KCNH5: variants seen among roughly 807,000 people sequenced by gnomAD.
The protein encoded by KCNH5 is voltage-gated delayed rectifier potassium channel KCNH5.
KCNH5 carries 46 observed loss-of-function variants against 96.1 expected under a neutral mutation model. The ratio of observed to expected loss-of-function variants is 0.48; its 90% CI spans 0.38 to 0.61. The LOEUF (loss-of-function observed/expected upper bound fraction) is 0.61. KCNH5 is among the 20% of genes least tolerant of loss of function. The pLI is 0.00. For missense variants in KCNH5, 907 were observed against 1,225.8 expected (o/e 0.74, Z 3.88); for synonymous variants, 439 against 449.8 (o/e 0.98, Z 0.30).
chr14:62,714,524 T>C (rs1884642954), intron 10 of KCNH5, among the ~76,000 whole-genome samples: 1 of 152,144 alleles, frequency 6.6e-6, no homozygotes, highest in African/African-American at 2.4e-5. Flanking sequence ...AACTGGCAAA[T>C]TGTAACTCAA....
chr14:62,833,157 C>T (rs1021210241), intron 8 of KCNH5, among the ~76,000 whole-genome samples: 1 of 151,210 alleles, frequency 6.6e-6, no homozygotes, highest in Non-Finnish European at 1.5e-5. Flanking sequence ...TTTTTGGTCC[C>T]CTCACTATCT....
chr14:62,984,621 A>C lies in KCNH5; in HGVS notation c.549+2451T>G, dbSNP rs141009071. 1.8e-3 allele frequency among the ~76,000 whole-genome samples: 275 copies of C among 152,276 alleles called. 1 individual carries two copies. Among genetic ancestry groups the C allele is most frequent in the African/African-American group, 6.5e-3 (269 of 41,558 alleles). Reference sequence around the variant, plus strand: ...GCATGCGCTGCAGGTATTCAGACTAAATGTCTATCGACAATCTTGTTATTT... The same window carrying C: ...GCATGCGCTGCAGGTATTCAGACTACATGTCTATCGACAATCTTGTTATTT... On this transcript the variant is annotated intron_variant, in intron 5 of 10. Coordinates refer to ENST00000322893, the MANE Select transcript of KCNH5 (RefSeq NM_139318.5).
Position 62,701,555 on chromosome 14 carries a change from A to G in KCNH5, c.*5953T>C, listed in dbSNP as rs894411673. The G allele has an allele frequency of 2.6e-5, 4 of 152,162 alleles. No individual in the cohort carries two copies. Among genetic ancestry groups the G allele is most frequent in the African/African-American group, 4.8e-5 (2 of 41,454 alleles). The allele number at this position is 152,162 out of a possible 1,614,324, so 9.4% of individuals were successfully genotyped here. On this transcript the variant is annotated 3_prime_UTR_variant, in exon 11 of 11. Coordinates refer to ENST00000322893, the MANE Select transcript of KCNH5 (RefSeq NM_139318.5). ...GTGAGCTGACTATAAAAAGCTTTGG[A>G]TGGTGTCAGTGGGGTCCTTCACAGT... is the stretch of plus-strand genomic sequence containing the variant.
chr14:62,889,797 G>T (rs1392703347), intron 7 of KCNH5, among the ~76,000 whole-genome samples: 1 of 152,158 alleles, frequency 6.6e-6, no homozygotes, highest in East Asian at 1.9e-4. Context: ...CATTTCAATT[G>T]AATGTATAAC....
chr14:63,023,150 C>T (rs1012726999), intron 1 of KCNH5, among the ~76,000 whole-genome samples: 2 of 151,628 alleles, frequency 1.3e-5, no homozygotes, highest in Admixed American at 6.6e-5. Context: ...TTACAGTGAG[C>T]CAAGATCATG....
At chr14:62,721,140 A>G (rs1040287614) in intron 10 of KCNH5, among the ~76,000 whole-genome samples, 1 of 151,960 alleles carries the variant, frequency 6.6e-6, no homozygotes, top group African/African-American at 2.4e-5. Context: ...TCCTGATTCT[A>G]TGTTCTTGGA....
chr14:62,753,061 T>C (rs1369313118), intron 10 of KCNH5, among the ~76,000 whole-genome samples: 2 of 152,096 alleles, frequency 1.3e-5, no homozygotes, highest in East Asian at 3.9e-4. Context: ...AGAAGCAGAA[T>C]TCAAAATAGC....
intron 1 of KCNH5, among the ~76,000 whole-genome samples, chr14:63,019,269 T>C (rs1193076428): frequency 6.6e-6 from 1 of 152,044 alleles, no homozygotes; most frequent in Non-Finnish European, 1.5e-5. Flanking sequence ...AGTGTTCTAT[T>C]TTCTGCAAAT....
chr14:62,965,229 T>C (rs1027645194), intron 6 of KCNH5, among the ~76,000 whole-genome samples: 7 of 152,150 alleles, frequency 4.6e-5, no homozygotes, highest in African/African-American at 1.4e-4. Context: ...AGTTGAGATT[T>C]GATCCCCAAT....
At chr14:62,833,492 A>G (rs1160733968) in intron 8 of KCNH5, among the ~76,000 whole-genome samples, 3 of 152,006 alleles carry the variant, frequency 2.0e-5, no homozygotes, top group Non-Finnish European at 4.4e-5. Flanking sequence ...TGTTCCATAC[A>G]TCTGTCTGTA....
chr14:62,878,256 G>A (rs1282754023), intron 7 of KCNH5, among the ~76,000 whole-genome samples: 1 of 151,302 alleles, frequency 6.6e-6, no homozygotes, highest in African/African-American at 2.4e-5. Flanking sequence ...TAAATGACTA[G>A]TTAATGGGTC....
intron 10 of KCNH5, among the ~76,000 whole-genome samples, chr14:62,710,217 G>A (rs1884539766): frequency 6.6e-6 from 1 of 152,210 alleles, no homozygotes. Flanking sequence ...TCTAAAATGA[G>A]ATTGATGCAC....
Position 62,935,653 on chromosome 14 carries a change from G to A in KCNH5, c.1369+14480C>T, listed in dbSNP as rs372614309. On this transcript the variant is annotated intron_variant, in intron 7 of 10. Transcript: ENST00000322893. Reference sequence around the variant, plus strand: ...CTGCCAAGCGGCAGCCCATGCTCCAGACGTCTTCTCCACCCTCCTCTGAAA... The same window carrying A: ...CTGCCAAGCGGCAGCCCATGCTCCAAACGTCTTCTCCACCCTCCTCTGAAA... Among the ~76,000 whole-genome samples the A allele has an allele frequency of 3.9e-5, 6 of 152,270 alleles. No homozygotes were observed. The East Asian group carries it at 1.2e-3, about 29-fold the overall frequency.
intron 1 of KCNH5, among the ~76,000 whole-genome samples, chr14:63,023,935 C>T (rs1484168463): frequency 6.6e-6 from 1 of 151,994 alleles, no homozygotes; most frequent in Non-Finnish European, 1.5e-5. Flanking sequence ...ACAGGCTGGG[C>T]GTGGTTGCTC....
intron 10 of KCNH5, among the ~76,000 whole-genome samples, chr14:62,715,868 G>C (rs540415805): frequency 2.6e-5 from 4 of 152,106 alleles, no homozygotes; most frequent in Non-Finnish European, 5.9e-5. Context: ...GGAAAGGAGG[G>C]ATAGGGAAGG....
intron 7 of KCNH5, among the ~76,000 whole-genome samples, chr14:62,945,881 T>C (rs918273731): frequency 1.3e-5 from 2 of 151,846 alleles, no homozygotes; most frequent in African/African-American, 4.8e-5. Flanking sequence ...CAAGGAAGAA[T>C]GGTTGAAAGT....
At chr14:63,044,760 C>T (rs1386573388) in intron 1 of KCNH5, among the ~76,000 whole-genome samples, 11 of 152,160 alleles carry the variant, frequency 7.2e-5, no homozygotes, top group Admixed American at 7.2e-4. Flanking sequence ...CCCTGCTGCT[C>T]ACTTTGGGGA....
intron 10 of KCNH5, among the ~76,000 whole-genome samples, chr14:62,713,235 C>A (rs550073464): frequency 1.3e-5 from 2 of 152,212 alleles, no homozygotes; most frequent in African/African-American, 4.8e-5. Context: ...TTTATAGTTC[C>A]TTCACTATGT....
intron 10 of KCNH5, among the ~76,000 whole-genome samples, chr14:62,718,402 A>C (rs1884732907): frequency 6.6e-6 from 1 of 152,196 alleles, no homozygotes; most frequent in South Asian, 2.1e-4. Flanking sequence ...AATCATCAAA[A>C]AATTTGAATA....
Sources: gnomAD v4.1 joint callset for allele counts (sites outside exome capture counted in the v4.1 genomes callset) on GRCh38, gnomAD v4.1.1 for gene constraint, MANE v1.5 for transcripts, NCBI Gene and HGNC (gene_info 2026-07-23, HGNC 2026-07-21) for gene names.